The following HDAC9 variants were observed in gnomAD, a reference collection of about 807,000 sequenced individuals.
The protein encoded by HDAC9 is MEF-2 interacting transcription repressor (MITR) protein.
In HDAC9, 41 loss-of-function variants were observed where a neutral mutation model predicts 139.4. The observed-to-expected ratio is 0.29, with a 90% CI of 0.23 to 0.38. HDAC9 has a LOEUF of 0.38. Among genes scored for constraint, HDAC9 ranks in the 10% least tolerant of loss-of-function variants. The probability of loss-of-function intolerance (pLI) is 1.00; values close to 1 mark genes in which losing one functional copy is unlikely to be tolerated. For missense variants in HDAC9, 1,147 were observed against 1,297.0 expected (o/e 0.88, Z 1.78); for synonymous variants, 517 against 476.2 (o/e 1.09, Z -1.12).
At chr7:18,979,875 C>A (rs555762232) in intron 25 of HDAC9, among the ~76,000 whole-genome samples, 59 of 152,326 alleles carry the variant, frequency 3.9e-4, no homozygotes, top group African/African-American at 1.4e-3. Flanking sequence ...CATGAGGGAT[C>A]TGCCTCCATG....
At chr7:18,278,621 A>G (rs978125395) in intron 2 of HDAC9, among the ~76,000 whole-genome samples, 1 of 152,180 alleles carries the variant, frequency 6.6e-6, no homozygotes, top group African/African-American at 2.4e-5. Context: ...CATGCCTTTT[A>G]TGTAATATGA....
intron 2 of HDAC9, among the ~76,000 whole-genome samples, chr7:18,582,780 T>G (rs1186832109): frequency 6.6e-6 from 1 of 152,198 alleles, no homozygotes; most frequent in East Asian, 1.9e-4. Flanking sequence ...TTGGCAAACC[T>G]GAATCAAATG....
intron 1 of HDAC9, among the ~76,000 whole-genome samples, chr7:18,392,294 C>T (rs1031189759): frequency 1.8e-4 from 20 of 113,996 alleles, no homozygotes; most frequent in African/African-American, 8.7e-4. Context: ...CTCTCTGTCT[C>T]TCTCTCTCTC....
At chr7:18,430,814 G>C (rs1052374134) in intron 1 of HDAC9, 1 of 152,298 alleles carries the variant, frequency 6.6e-6, no homozygotes, top group African/African-American at 2.4e-5. Context: ...TTAAACCCGG[G>C]AGGTGGAGGT....
chr7:18,191,824 C>A (rs971154499), intron 2 of HDAC9, among the ~76,000 whole-genome samples: 1 of 152,140 alleles, frequency 6.6e-6, no homozygotes, highest in Admixed American at 6.5e-5. Context: ...TTAATTTCTT[C>A]CTTGCCCTGT....
intron 25 of HDAC9, among the ~76,000 whole-genome samples, chr7:18,990,717 C>A (rs1214777439): frequency 6.6e-6 from 1 of 152,244 alleles, no homozygotes; most frequent in African/African-American, 2.4e-5. Flanking sequence ...GGGCGTAGGA[C>A]CCTCCGAGCC....
chr7:18,744,785 G>A (rs1309925417), intron 13 of HDAC9, among the ~76,000 whole-genome samples: 1 of 152,020 alleles, frequency 6.6e-6, no homozygotes, highest in Admixed American at 6.6e-5. Context: ...AAGACTGAGA[G>A]AAAGAGAAAG....
At chr7:18,417,999 G>A (rs571542183) in intron 1 of HDAC9, among the ~76,000 whole-genome samples, 141 of 152,090 alleles carry the variant, frequency 9.3e-4, no homozygotes, top group Middle Eastern at 3.4e-3. Context: ...ACGCTCCCCC[G>A]GACTCTCCCT....
intron 12 of HDAC9, among the ~76,000 whole-genome samples, chr7:18,727,025 A>G (rs949667754): frequency 3.3e-5 from 5 of 152,218 alleles, no homozygotes; most frequent in African/African-American, 1.2e-4. Context: ...CATACAAACT[A>G]TGAAATATTC....
At chr7:18,603,698 T>C (rs1266749722) in intron 6 of HDAC9, among the ~76,000 whole-genome samples, 3 of 152,144 alleles carry the variant, frequency 2.0e-5, no homozygotes, top group Non-Finnish European at 2.9e-5. Flanking sequence ...ATTAGATCAA[T>C]TGATAATAAA....
At chr7:18,901,365 T>C (rs912808136) in intron 22 of HDAC9, among the ~76,000 whole-genome samples, 9 of 151,978 alleles carry the variant, frequency 5.9e-5, no homozygotes, top group African/African-American at 2.2e-4. Flanking sequence ...AAAAAAATCC[T>C]CTTTTTTCCA....
chr7:18,661,356 C>A (rs922454311), intron 11 of HDAC9, among the ~76,000 whole-genome samples: 1 of 151,982 alleles, frequency 6.6e-6, no homozygotes, highest in African/African-American at 2.4e-5. Flanking sequence ...TTTATGATGC[C>A]TATTAGATAT....
upstream of HDAC9, among the ~76,000 whole-genome samples, chr7:18,495,379 A>G (rs931790096): frequency 4.6e-5 from 7 of 152,138 alleles, no homozygotes; most frequent in African/African-American, 1.2e-4. Flanking sequence ...AATGAAATGT[A>G]TGTGCATTTG....
chr7:18,260,622 A>G (rs904349932), intron 2 of HDAC9: 1 of 154,274 alleles, frequency 6.5e-6, no homozygotes, highest in African/African-American at 2.4e-5. Flanking sequence ...CCCGGCCAAC[A>G]GACACTATTT....
chr7:18,591,334 A>G (rs1429747020), intron 4 of HDAC9, among the ~76,000 whole-genome samples, 182 bp from the exon 5 acceptor site: 1 of 152,198 alleles, frequency 6.6e-6, no homozygotes, highest in East Asian at 1.9e-4. Context: ...TATTTTCTAA[A>G]GCATATTTGG....
At chr7:18,631,680 G>A (rs1782392153) in intron 7 of HDAC9, among the ~76,000 whole-genome samples, 3 of 151,394 alleles carry the variant, frequency 2.0e-5, no homozygotes, top group South Asian at 4.2e-4. Context: ...TCAAATTCAA[G>A]TATTTTCTGC....
chr7:18,873,932 T>C (rs1799119512), intron 21 of HDAC9, among the ~76,000 whole-genome samples: 1 of 152,130 alleles, frequency 6.6e-6, no homozygotes, highest in Admixed American at 6.6e-5. Context: ...GTAGTCTGGA[T>C]TCTATTAAGG....
chr7:18,193,856 G>A (rs1424472916), intron 2 of HDAC9, among the ~76,000 whole-genome samples: 1 of 152,116 alleles, frequency 6.6e-6, no homozygotes, highest in African/African-American at 2.4e-5. Flanking sequence ...TTTCTGCCTG[G>A]CAATTCCTGA....
intron 1 of HDAC9, among the ~76,000 whole-genome samples, chr7:18,479,768 T>C (rs1179878276): frequency 2.0e-5 from 3 of 152,088 alleles, no homozygotes. Context: ...CAGGACACTT[T>C]ACTTAGTTTA....
Sources: allele counts gnomAD v4.1 joint callset (sites outside exome capture counted in the v4.1 genomes callset), GRCh38; gene constraint gnomAD v4.1.1; transcripts MANE v1.5; gene names NCBI Gene and HGNC (gene_info 2026-07-23, HGNC 2026-07-21).